The following MBD5 variants were observed in gnomAD, a reference collection of about 807,000 sequenced individuals.
The protein encoded by MBD5 is methyl-CpG binding domain protein 5.
Under a neutral mutation model 117.3 loss-of-function variants are expected in MBD5, and 13 were observed. That is an observed-to-expected ratio of 0.11 (90% CI 0.07 to 0.18). The LOEUF (loss-of-function observed/expected upper bound fraction) is 0.18. Among genes scored for constraint, MBD5 ranks in the 10% least tolerant of loss-of-function variants. The pLI, the probability that MBD5 is intolerant of heterozygous loss-of-function variation, is 1.00. For missense variants in MBD5, 1,879 were observed against 2,093.8 expected, an observed-to-expected ratio of 0.90 and a Z score of 2.00; for synonymous variants, 727 against 766.4, an observed-to-expected ratio of 0.95 and a Z score of 0.85.
intron 1 of MBD5, among the ~76,000 whole-genome samples, chr2:148,145,386 A>G: frequency 6.6e-6 from 1 of 152,204 alleles, no homozygotes; most frequent in East Asian, 1.9e-4. Flanking sequence ...CAATTATGTC[A>G]TCTGCTAACA....
chr2:148,102,664 T>TACACAC (rs113654978), intron 1 of MBD5, among the ~76,000 whole-genome samples: 1,501 of 143,780 alleles, frequency 0.01, 32 homozygotes, highest in African/African-American at 0.036. Flanking sequence ...TTGCTTATTT[T>TACACAC]ACACACACAC....
chr2:148,443,308 T>C lies in MBD5; in HGVS notation c.-556-14895T>C, dbSNP rs1001402825. On this transcript the variant is annotated intron_variant, in intron 4 of 13. Transcript: ENST00000642680. Reference sequence around the variant, plus strand: ...ACTGTTGTACACTGGAAATGTAAATTGGGAATGTAAAGAGAGAACAGTTTG... The same window carrying C: ...ACTGTTGTACACTGGAAATGTAAATCGGGAATGTAAAGAGAGAACAGTTTG... 4.0e-5 allele frequency among the ~76,000 whole-genome samples: 6 copies of C among 151,170 alleles called. 1 individual carries two copies. The highest frequency in any genetic ancestry group is 1.5e-4 in the African/African-American group (6 of 40,578).
intron 1 of MBD5, among the ~76,000 whole-genome samples, chr2:148,101,917 A>G (rs1696227127): frequency 6.6e-6 from 1 of 152,188 alleles, no homozygotes; most frequent in Non-Finnish European, 1.5e-5. Flanking sequence ...GCATGTATAT[A>G]CATACACACA....
chr2:148,400,361 A>G (rs1704880639), intron 4 of MBD5, among the ~76,000 whole-genome samples: 1 of 152,166 alleles, frequency 6.6e-6, no homozygotes, highest in Non-Finnish European at 1.5e-5. Flanking sequence ...CTCTATTACC[A>G]GTGCTTATTA....
chr2:148,049,973 T>A (rs1694648788), intron 1 of MBD5, among the ~76,000 whole-genome samples: 1 of 152,228 alleles, frequency 6.6e-6, no homozygotes, highest in South Asian at 2.1e-4. Flanking sequence ...GTGATGGACA[T>A]CTGGGTTGCT....
chr2:148,066,621 G>A (rs1048940611), intron 1 of MBD5, among the ~76,000 whole-genome samples: 8 of 151,726 alleles, frequency 5.3e-5, no homozygotes, highest in East Asian at 1.9e-4. Flanking sequence ...GGGAGTATAG[G>A]TGCACGCCAC....
intron 3 of MBD5, among the ~76,000 whole-genome samples, chr2:148,272,394 T>C (rs1701006275): frequency 6.6e-6 from 1 of 152,244 alleles, no homozygotes; most frequent in African/African-American, 2.4e-5. Flanking sequence ...TTAACATTTC[T>C]ACTTACAGTG....
intron 4 of MBD5, among the ~76,000 whole-genome samples, chr2:148,425,780 A>G (rs1242960118): frequency 6.6e-6 from 1 of 152,232 alleles, no homozygotes; most frequent in Non-Finnish European, 1.5e-5. Flanking sequence ...AATAAATGAC[A>G]AAATCCATGT....
chr2:148,107,115 T>C lies in MBD5; in HGVS notation c.-924-71585T>C, dbSNP rs538133325. On this transcript the variant is annotated intron_variant, in intron 1 of 13. Transcript: ENST00000642680. Reference sequence around the variant, plus strand: ...TTAGAGTAGTAAAACCTCTCAATCCTTATTTATCTCCAAATGACCTTATTT... The same window carrying C: ...TTAGAGTAGTAAAACCTCTCAATCCCTATTTATCTCCAAATGACCTTATTT... 2.0e-5 allele frequency among the ~76,000 whole-genome samples: 3 copies of C among 152,162 alleles called. No individual in the cohort carries two copies. The East Asian group carries it at 5.8e-4, about 29-fold the overall frequency.
chr2:148,446,638 GAAATACT>G (rs1706539040), intron 4 of MBD5, among the ~76,000 whole-genome samples: 1 of 151,016 alleles, frequency 6.6e-6, no homozygotes, highest in Non-Finnish European at 1.5e-5. Flanking sequence ...GTGTAAAACT[GAAATACT>G]TGAGCTTGCT....
rs146297907 is a variant in MBD5 at position 148,491,443 on chromosome 2, G to A, written c.4962+849G>A. 1.2e-3 allele frequency among the ~76,000 whole-genome samples: 177 copies of A among 151,834 alleles called. 2 individuals are homozygous for A. The East Asian group carries it at 0.023, about 20-fold the overall frequency. The stretch of plus-strand genomic sequence containing the variant: ...CACATTCCCCCATATGATTAAAAAC[G>A]TATAATTTTTCATCTTCTTAGGTAA... On this transcript the variant is annotated intron_variant, in intron 11 of 13. Transcript: ENST00000642680.
chr2:148,133,603 C>T (rs1055217817), intron 1 of MBD5, among the ~76,000 whole-genome samples: 3 of 152,346 alleles, frequency 2.0e-5, no homozygotes, highest in Non-Finnish European at 4.4e-5. Flanking sequence ...GCGGGTGGAT[C>T]ACCTGAGGTC....
At chr2:148,063,729 T>C (rs1374318793) in intron 1 of MBD5, among the ~76,000 whole-genome samples, 1 of 152,060 alleles carries the variant, frequency 6.6e-6, no homozygotes, top group African/African-American at 2.4e-5. Flanking sequence ...AATTTACACG[T>C]CCTGAAAAGC....
intron 1 of MBD5, among the ~76,000 whole-genome samples, chr2:148,034,895 T>C (rs866173733): frequency 6.6e-6 from 1 of 152,206 alleles, no homozygotes; most frequent in African/African-American, 2.4e-5. Flanking sequence ...TTTTTATTAA[T>C]AGGCGACAAC....
intron 8 of MBD5, among the ~76,000 whole-genome samples, chr2:148,476,006 C>G (rs1375376551): frequency 6.6e-6 from 1 of 152,152 alleles, no homozygotes; most frequent in Non-Finnish European, 1.5e-5. Flanking sequence ...CACCTTTTTA[C>G]AGATTAAAAG....
chr2:148,486,020 G>T (rs1681329740), intron 10 of MBD5, 70 bp downstream of exon 10: 1 of 1,485,110 alleles, frequency 6.7e-7, no homozygotes, highest in African/African-American at 1.4e-5. Flanking sequence ...TAATTTGGGG[G>T]AAAGGGTGAA....
intron 4 of MBD5, among the ~76,000 whole-genome samples, chr2:148,352,577 C>A (rs1247221405): frequency 5.1e-4 from 77 of 152,100 alleles, no homozygotes; most frequent in African/African-American, 1.7e-3. Context: ...TTCTCCATTC[C>A]TATAATGTCA....
At chr2:148,146,208 T>C (rs1372754666) in intron 1 of MBD5, among the ~76,000 whole-genome samples, 1 of 152,148 alleles carries the variant, frequency 6.6e-6, no homozygotes, top group Non-Finnish European at 1.5e-5. Flanking sequence ...ATATCTTATA[T>C]ATGATGAGTT....
chr2:148,123,157 A>T (rs368708163), intron 1 of MBD5, among the ~76,000 whole-genome samples: 4 of 152,252 alleles, frequency 2.6e-5, no homozygotes, highest in Non-Finnish European at 4.4e-5. Flanking sequence ...ATGAGTACTT[A>T]TTAAATATTT....
Sources: gnomAD v4.1 joint callset for allele counts (sites outside exome capture counted in the v4.1 genomes callset) on GRCh38, gnomAD v4.1.1 for gene constraint, MANE v1.5 for transcripts, NCBI Gene and HGNC (gene_info 2026-07-23, HGNC 2026-07-21) for gene names.